The following ERH variants were observed in gnomAD, a reference collection of about 807,000 sequenced individuals.
ERH encodes ERH mRNA splicing and mitosis factor, also known as enhancer of rudimentary homolog.
A neutral mutation model predicts 16.8 loss-of-function variants in ERH; 1 was observed. The ratio of observed to expected loss-of-function variants is 0.06; its 90% CI spans 0.02 to 0.28. The LOEUF is 0.28. ERH is among the 10% of genes least tolerant of loss of function. The pLI is 1.00. For missense variants in ERH, 42 were observed against 127.5 expected, an observed-to-expected ratio of 0.33 and a Z score of 3.23; for synonymous variants, 43 against 43.6, an observed-to-expected ratio of 0.99 and a Z score of 0.05.
chr14:69,385,371 C>T (rs940906629), intron 3 of ERH, among the ~76,000 whole-genome samples: 2 of 152,144 alleles, frequency 1.3e-5, no homozygotes, highest in African/African-American at 4.8e-5. Flanking sequence ...AAACCTGTAA[C>T]ACCTGTTTCA....
rs754589731 is a variant in ERH at position 69,398,275 on chromosome 14, G to C, written c.-42C>G. 1.1e-5 allele frequency: 17 copies of C among 1,613,508 alleles called. No individual in the cohort carries two copies. The highest frequency in any genetic ancestry group is 1.4e-5 in the Non-Finnish European group (16 of 1,179,856). ...CGCTACAGCAGCTGCCGACACCGCC[G>C]CCGTTACACGAGCTTAACTACAACG... is the stretch of plus-strand genomic sequence containing the variant. On this transcript the variant is annotated 5_prime_UTR_variant, in exon 1 of 4. Transcript: ENST00000557016.
intron 2 of ERH, among the ~76,000 whole-genome samples, chr14:69,393,075 G>A (rs1882252760): frequency 6.6e-6 from 1 of 152,174 alleles, no homozygotes; most frequent in Non-Finnish European, 1.5e-5. Context: ...CCAGCACTTT[G>A]GGAAGCCGAG....
At chr14:69,398,013 G>C (rs996074534) in intron 1 of ERH, 1 of 619,884 alleles carries the variant, frequency 1.6e-6, no homozygotes, top group African/African-American at 1.8e-5. Context: ...ACCCGAGCGA[G>C]CAGGCGGGCG....
rs115679402 is a variant in ERH, at chr14:69,383,316, C to T, written c.213-2676G>A. Among the ~76,000 whole-genome samples, 954 of 152,288 alleles carry T rather than the reference C, an allele frequency of 6.3e-3. 7 individuals carry two copies. The highest frequency in any genetic ancestry group is 0.022 in the African/African-American group (913 of 41,544). ...ATCTTATTTATTCCATTTCCACCTA[C>T]GCTGTTTAAAAAGAATTAATTTAAA... On this transcript the variant is annotated intron_variant, in intron 3 of 3. Transcript: ENST00000557016.
chr14:69,381,230 C>T (rs2045861706), intron 3 of ERH, among the ~76,000 whole-genome samples: 1 of 152,078 alleles, frequency 6.6e-6, no homozygotes, highest in African/African-American at 2.4e-5. Flanking sequence ...GAGCCGAGAT[C>T]GTGCCACTGC....
At chr14:69,386,202 T>C (rs1279495298) in intron 3 of ERH, among the ~76,000 whole-genome samples, 1 of 152,222 alleles carries the variant, frequency 6.6e-6, no homozygotes, top group East Asian at 1.9e-4. Flanking sequence ...GGAGACAGCA[T>C]GGTGCAGCCA....
At chr14:69,381,264 T>C (rs193078758) in intron 3 of ERH, among the ~76,000 whole-genome samples, 197 of 152,060 alleles carry the variant, frequency 1.3e-3, no homozygotes, top group Admixed American at 2.2e-3. Context: ...AGACTCCATC[T>C]CAAAAAAACA....
At chr14:69,394,995 CAAT>C (rs1305783713) in intron 1 of ERH, 83 bp from the exon 2 acceptor site, 20 of 933,268 alleles carry the variant, frequency 2.1e-5, no homozygotes, top group African/African-American at 3.3e-5. Flanking sequence ...ATTTGTAATG[CAAT>C]AATGATTGCT....
chr14:69,387,948 A>T (rs1245021874), intron 2 of ERH, among the ~76,000 whole-genome samples: 6 of 152,202 alleles, frequency 3.9e-5, no homozygotes, highest in Non-Finnish European at 8.8e-5. Flanking sequence ...CGGGAGGCTG[A>T]AGCAGGAGAA....
intron 2 of ERH, among the ~76,000 whole-genome samples, chr14:69,388,007 T>C (rs2140231309): frequency 6.6e-6 from 1 of 152,300 alleles, no homozygotes; most frequent in Non-Finnish European, 1.5e-5. Flanking sequence ...GATCGGCCAC[T>C]GCACTCCAGC....
rs188691267 is a variant in ERH at position 69,396,325 on chromosome 14, G to A, written c.4-1413C>T. Among the ~76,000 whole-genome samples, 260 of 152,334 alleles carry A rather than the reference G, an allele frequency of 1.7e-3. 1 individual carries two copies. Among genetic ancestry groups the A allele is most frequent in the African/African-American group, 6.2e-3 (256 of 41,582 alleles). ...TGCCCAGGCTGGAGCGCAAAGGCGC[G>A]ATCTCAGCTCACCGCAACCTCTGCT... On this transcript the variant is annotated intron_variant, in intron 1 of 3. Transcript: ENST00000557016.
At chr14:69,397,378 T>C (rs1351742352) in intron 1 of ERH, among the ~76,000 whole-genome samples, 1 of 147,442 alleles carries the variant, frequency 6.8e-6, no homozygotes, top group Non-Finnish European at 1.5e-5. Context: ...CCCAAGAGGA[T>C]ATAAATACAG....
At chr14:69,397,904 T>A (rs1882398639) in intron 1 of ERH, 1 of 500,634 alleles carries the variant, frequency 2.0e-6, no homozygotes, top group South Asian at 2.2e-5. Flanking sequence ...GGCGATAGAG[T>A]GAGACTCTCT....
At chr14:69,397,826 G>T (rs188704109) in intron 1 of ERH, among the ~76,000 whole-genome samples, 113 of 152,144 alleles carry the variant, frequency 7.4e-4, no homozygotes, top group African/African-American at 2.6e-3. Flanking sequence ...GCTGAGACAG[G>T]AGAATTGCTT....
At chr14:69,393,830 T>C (rs539516931) in intron 2 of ERH, among the ~76,000 whole-genome samples, 1 of 152,234 alleles carries the variant, frequency 6.6e-6, no homozygotes, top group East Asian at 1.9e-4. Flanking sequence ...GAGACCAACA[T>C]GTGCAACACA....
chr14:69,392,402 T>A (rs1882240613), intron 2 of ERH, among the ~76,000 whole-genome samples: 1 of 151,944 alleles, frequency 6.6e-6, no homozygotes, highest in Non-Finnish European at 1.5e-5. Flanking sequence ...CATTGCTAAG[T>A]AAAAAAAGCC....
At chr14:69,398,163 C>G (rs1882414883) in intron 1 of ERH, 68 bp downstream of exon 1, 6 of 1,598,592 alleles carry the variant, frequency 3.8e-6, no homozygotes, top group Non-Finnish European at 5.1e-6. Context: ...GAGGGGAAAA[C>G]GTATGGGGCT....
At chr14:69,382,789 C>CAAAAAA (rs1278831093) in intron 3 of ERH, among the ~76,000 whole-genome samples, 36 of 103,154 alleles carry the variant, frequency 3.5e-4, no homozygotes, top group African/African-American at 1.3e-3. Context: ...ACTCTATCTC[C>CAAAAAA]AAAAGAAAAA....
intron 3 of ERH, among the ~76,000 whole-genome samples, chr14:69,385,760 A>G (rs1381134437): frequency 6.6e-6 from 1 of 152,066 alleles, no homozygotes; most frequent in Non-Finnish European, 1.5e-5. Flanking sequence ...CTCTACCACA[A>G]CCGTTCTGGA....
Sources: allele counts gnomAD v4.1 joint callset (sites outside exome capture counted in the v4.1 genomes callset), GRCh38; gene constraint gnomAD v4.1.1; transcripts MANE v1.5; gene names NCBI Gene and HGNC (gene_info 2026-07-23, HGNC 2026-07-21).